Variants in ADAM18 observed in about 807,000 individuals in gnomAD.
ADAM18 encodes the protein ADAM metallopeptidase domain 18, also known as disintegrin and metalloproteinase domain-containing protein 18.
ADAM18 carries 117 observed loss-of-function variants against 94.4 expected under a neutral mutation model. The ratio of observed to expected loss-of-function variants is 1.24; its 90% confidence interval spans 1.07 to 1.45. The LOEUF is 1.45. Among genes scored for constraint, ADAM18 ranks in the 40% most tolerant of loss-of-function variants. The pLI is 0.00. For synonymous variants in ADAM18, 327 were observed against 291.6 expected, an observed-to-expected ratio of 1.12 and a Z score of -1.24; for missense variants, 936 against 880.0, an observed-to-expected ratio of 1.06 and a Z score of -0.81.
chr8:39,632,842 T>A (rs1416273495), intron 7 of ADAM18, among the ~76,000 whole-genome samples: 2 of 152,192 alleles, frequency 1.3e-5, no homozygotes, highest in Non-Finnish European at 2.9e-5. Flanking sequence ...ATGATATACA[T>A]AGGGAAGTTG....
intron 12 of ADAM18, among the ~76,000 whole-genome samples, chr8:39,660,047 TATAAG>T (rs1371749160): frequency 2.0e-5 from 3 of 152,126 alleles, no homozygotes; most frequent in African/African-American, 7.2e-5. Flanking sequence ...TTATTTTAAC[TATAAG>T]ATATTTTATG....
chr8:39,681,398 C>A (rs1418249003), intron 16 of ADAM18, among the ~76,000 whole-genome samples: 2 of 152,152 alleles, frequency 1.3e-5, no homozygotes, highest in East Asian at 3.9e-4. Context: ...ACAGATAACA[C>A]CTTGATTTCA....
At chr8:39,605,134 G>A (rs1048448635) in intron 2 of ADAM18, among the ~76,000 whole-genome samples, 3 of 152,162 alleles carry the variant, frequency 2.0e-5, no homozygotes, top group South Asian at 2.1e-4. Flanking sequence ...GCCATTTCCA[G>A]TCATAGGCAG....
In ADAM18 at chr8:39,611,139, C is replaced by G. The variant is rs958484593; in HGVS notation, c.522+433C>G. On this transcript the variant is annotated intron_variant, in intron 6 of 19. Coordinates refer to ENST00000265707, the MANE Select transcript of ADAM18 (RefSeq NM_014237.3). ...AGACTAGGTATAGAATTCTTGCTGG[C>G]AGTTTCTTTCTTTCAGCACTTTGAA... 2.2e-5 allele frequency: 21 copies of G among 960,080 alleles called. No homozygotes were observed. In the East Asian group the frequency reaches 2.2e-3, roughly 99 times the overall value. The allele number at this position is 960,080 out of a possible 1,614,324, so 59.5% of individuals were successfully genotyped here. A position where few individuals can be genotyped will look rare whatever the true frequency, so the allele number is the denominator to read the frequency against.
At chr8:39,643,637 C>T (rs902238988) in intron 10 of ADAM18, among the ~76,000 whole-genome samples, 18 of 152,006 alleles carry the variant, frequency 1.2e-4, no homozygotes, top group Admixed American at 5.3e-4. Flanking sequence ...TTGAGGGCTG[C>T]GAACGACAAT....
chr8:39,722,262 T>TGC (rs1822780757), intron 18 of ADAM18, among the ~76,000 whole-genome samples: 1 of 126,014 alleles, frequency 7.9e-6, no homozygotes, highest in Non-Finnish European at 1.7e-5. Context: ...TATATATATA[T>TGC]GCCGTGTGTT....
intron 2 of ADAM18, among the ~76,000 whole-genome samples, chr8:39,588,277 T>C (rs1199743493): frequency 6.6e-6 from 1 of 152,008 alleles, no homozygotes; most frequent in Admixed American, 6.6e-5. Context: ...TGTGAGGTGA[T>C]ATTTCACTGT....
intron 3 of ADAM18, among the ~76,000 whole-genome samples, chr8:39,607,539 GT>G (rs780003917): frequency 6.6e-6 from 1 of 152,140 alleles, no homozygotes; most frequent in Non-Finnish European, 1.5e-5. Flanking sequence ...TGGTCCTCAT[GT>G]TTTTGAATGC....
At chr8:39,688,213 CT>C (rs979831611) in intron 16 of ADAM18, among the ~76,000 whole-genome samples, 18 of 152,072 alleles carry the variant, frequency 1.2e-4, no homozygotes, top group African/African-American at 3.9e-4. Flanking sequence ...TGATGATGAA[CT>C]TTTTTTTCTA....
intron 19 of ADAM18, among the ~76,000 whole-genome samples, chr8:39,724,688 G>A (rs778950657): frequency 6.4e-4 from 97 of 151,610 alleles, no homozygotes; most frequent in Non-Finnish European, 1.6e-4. Context: ...TCTGATACAG[G>A]CATTTAAATC....
chr8:39,665,485 TG>T (rs2129580149), intron 13 of ADAM18, among the ~76,000 whole-genome samples: 1 of 152,344 alleles, frequency 6.6e-6, no homozygotes, highest in South Asian at 2.1e-4. Context: ...CTGGATCATA[TG>T]GTAAATATGG....
In ADAM18 at chr8:39,685,643, C is replaced by T. The variant is rs1031025603; in HGVS notation, c.1821+5417C>T. On this transcript the variant is annotated intron_variant, in intron 16 of 19. Coordinates refer to ENST00000265707, the MANE Select transcript of ADAM18 (RefSeq NM_014237.3). ...TCCTTGGTGTTCGCTCCTGAACATG[C>T]TTTTTCATTCTTTACAACATGGCTG... is the stretch of plus-strand genomic sequence containing the variant. 3.3e-5 allele frequency among the ~76,000 whole-genome samples: 5 copies of T among 152,144 alleles called. No individual in the cohort carries two copies. In the East Asian group the frequency reaches 9.6e-4, roughly 29 times the overall value.
intron 16 of ADAM18, among the ~76,000 whole-genome samples, chr8:39,686,580 G>A (rs10107804): frequency 0.074 from 11,258 of 152,098 alleles, 1,290 homozygotes; most frequent in African/African-American, 0.24. Flanking sequence ...GTGAATTTTG[G>A]GGAACACAAA....
intron 14 of ADAM18, among the ~76,000 whole-genome samples, chr8:39,670,450 A>C (rs1474759286): frequency 2.0e-5 from 3 of 152,118 alleles, no homozygotes; most frequent in African/African-American, 7.2e-5. Context: ...CAGGTGGTAT[A>C]TTATATGGGA....
At chr8:39,713,755 C>T (rs1822488475) in intron 18 of ADAM18, among the ~76,000 whole-genome samples, 1 of 151,964 alleles carries the variant, frequency 6.6e-6, no homozygotes, top group South Asian at 2.1e-4. Context: ...CATCTCACAC[C>T]AGTTAGAATG....
chr8:39,700,425 GA>G (rs1476848850), intron 17 of ADAM18, among the ~76,000 whole-genome samples: 1 of 152,036 alleles, frequency 6.6e-6, no homozygotes, highest in African/African-American at 2.4e-5. Flanking sequence ...ATTGATATGA[GA>G]ATATTCACAA....
At chr8:39,629,570 A>T in intron 7 of ADAM18, 131 bp downstream of exon 7, 1 of 566,174 alleles carries the variant, frequency 1.8e-6, no homozygotes, top group East Asian at 3.3e-5. Flanking sequence ...TTGTCTCCTT[A>T]TTTTCTCCCT....
intron 7 of ADAM18, among the ~76,000 whole-genome samples, chr8:39,635,915 C>G (rs770676184): frequency 9.2e-5 from 14 of 151,936 alleles, no homozygotes; most frequent in Non-Finnish European, 1.9e-4. Flanking sequence ...ATTACAATGT[C>G]TGCCCTTTTC....
chr8:39,633,615 A>G (rs187818225), intron 7 of ADAM18, among the ~76,000 whole-genome samples: 2 of 152,298 alleles, frequency 1.3e-5, no homozygotes, highest in South Asian at 2.1e-4. Context: ...AATTATGCCC[A>G]TGCCATAGAA....
Sources: allele counts gnomAD v4.1 joint callset (sites outside exome capture counted in the v4.1 genomes callset), GRCh38; gene constraint gnomAD v4.1.1; transcripts MANE v1.5; gene names NCBI Gene and HGNC (gene_info 2026-07-23, HGNC 2026-07-21).